Variants in CDH17 observed in about 807,000 individuals in gnomAD.
The protein encoded by CDH17 is cadherin 17, also known as cadherin-17.
CDH17 carries 67 observed loss-of-function variants against 86.3 expected under a neutral mutation model. The observed-to-expected ratio is 0.78, with a 90% CI of 0.64 to 0.95. The LOEUF is 0.95. CDH17 is among the 40% of genes least tolerant of loss of function. The pLI, the probability that CDH17 is intolerant of heterozygous loss-of-function variation, is 0.00. For synonymous variants in CDH17, 367 were observed against 366.4 expected, an observed-to-expected ratio of 1.00 and a Z score of -0.02; for missense variants, 993 against 1,017.6, an observed-to-expected ratio of 0.98 and a Z score of 0.33.
intron 17 of CDH17, among the ~76,000 whole-genome samples, chr8:94,130,093 G>T (rs1640165915): frequency 6.6e-6 from 1 of 152,178 alleles, no homozygotes; most frequent in African/African-American, 2.4e-5. Flanking sequence ...CCAAGCAAGG[G>T]GCTATGGCAG....
chr8:94,128,788 T>C (rs1328664933), intron 17 of CDH17, among the ~76,000 whole-genome samples: 2 of 152,202 alleles, frequency 1.3e-5, no homozygotes. Flanking sequence ...TTCACCTCCC[T>C]GAAGCTGATT....
At chr8:94,204,157 T>A (rs1383523506) in intron 1 of CDH17, among the ~76,000 whole-genome samples, 1 of 152,196 alleles carries the variant, frequency 6.6e-6, no homozygotes, top group Non-Finnish European at 1.5e-5. Flanking sequence ...AAATTTTACT[T>A]TAAGTTCTGG....
At chr8:94,196,241 T>C (rs1017619967) in intron 1 of CDH17, among the ~76,000 whole-genome samples, 2 of 152,220 alleles carry the variant, frequency 1.3e-5, no homozygotes, top group African/African-American at 4.8e-5. Flanking sequence ...TTAACCACTC[T>C]AAAAATTTAG....
At chr8:94,168,301 GTTTT>G (rs34513341) in intron 9 of CDH17, among the ~76,000 whole-genome samples, 1 of 121,648 alleles carries the variant, frequency 8.2e-6, no homozygotes, top group Non-Finnish European at 1.7e-5. Flanking sequence ...AATTTTTGCA[GTTTT>G]TTTTTTTTTT....
intron 2 of CDH17, among the ~76,000 whole-genome samples, chr8:94,192,920 T>C (rs1015139850): frequency 2.0e-5 from 3 of 152,240 alleles, no homozygotes; most frequent in African/African-American, 7.2e-5. Context: ...AAATTAGTGC[T>C]TCTGTTGAAT....
chr8:94,181,312 A>G (rs1350320135), intron 3 of CDH17, among the ~76,000 whole-genome samples: 1 of 152,198 alleles, frequency 6.6e-6, no homozygotes, highest in Non-Finnish European at 1.5e-5. Flanking sequence ...CTTGAACAAT[A>G]CTATAAACCA....
intron 15 of CDH17, among the ~76,000 whole-genome samples, chr8:94,144,521 C>G (rs183850907): frequency 4.0e-5 from 6 of 151,676 alleles, no homozygotes; most frequent in Non-Finnish European, 8.8e-5. Context: ...TATGCCTATA[C>G]AAAAATTACC....
chr8:94,150,360 G>A (rs1812834352), intron 13 of CDH17, among the ~76,000 whole-genome samples: 7 of 152,142 alleles, frequency 4.6e-5, no homozygotes. Context: ...GGAGCAGGCT[G>A]GAAGCAGGGA....
intron 1 of CDH17, among the ~76,000 whole-genome samples, chr8:94,199,067 ATATATATATATATATATTT>A (rs1182461948): frequency 0.31 from 11,773 of 38,132 alleles, 782 homozygotes; most frequent in Middle Eastern, 0.42. Flanking sequence ...ATATATATAT[ATATATATATATATATATTT>A]TTTTTTTTTT....
At chr8:94,198,536 T>C (rs545138611) in intron 1 of CDH17, among the ~76,000 whole-genome samples, 1 of 152,322 alleles carries the variant, frequency 6.6e-6, no homozygotes, top group South Asian at 2.1e-4. Context: ...ATTTGCTTAA[T>C]ACAAGTAAAA....
At chr8:94,180,759 G>A (rs1449959995) in intron 3 of CDH17, among the ~76,000 whole-genome samples, 1 of 152,072 alleles carries the variant, frequency 6.6e-6, no homozygotes, top group Non-Finnish European at 1.5e-5. Flanking sequence ...GCCGGGCATG[G>A]TGGTGGGCAT....
chr8:94,198,377 T>C (rs904495382), intron 1 of CDH17, among the ~76,000 whole-genome samples: 1 of 152,204 alleles, frequency 6.6e-6, no homozygotes, highest in African/African-American at 2.4e-5. Context: ...AGAGTACTTA[T>C]TTGGTTTGGA....
intron 1 of CDH17, among the ~76,000 whole-genome samples, chr8:94,207,509 A>G (rs142028694): frequency 9.2e-5 from 14 of 152,332 alleles, no homozygotes; most frequent in Admixed American, 3.9e-4. Context: ...ATGGCCCCGT[A>G]ACTCACTAGA....
At chr8:94,186,458 C>A (rs1813582425) in intron 3 of CDH17, among the ~76,000 whole-genome samples, 1 of 152,160 alleles carries the variant, frequency 6.6e-6, no homozygotes, top group South Asian at 2.1e-4. Flanking sequence ...ACAGACTGCA[C>A]CTTTCATGTG....
intron 11 of CDH17, among the ~76,000 whole-genome samples, 169 bp from the exon 12 acceptor site, chr8:94,160,331 G>A (rs1207002171): frequency 6.6e-6 from 1 of 152,154 alleles, no homozygotes; most frequent in African/African-American, 2.4e-5. Context: ...TTTAACATCA[G>A]TCATACTCAT....
upstream of CDH17, among the ~76,000 whole-genome samples, chr8:94,209,425 G>T (rs1424420628): frequency 6.6e-6 from 1 of 152,180 alleles, no homozygotes; most frequent in Non-Finnish European, 1.5e-5. Context: ...CCTGAGCTGA[G>T]GTTGTGTTTT....
intron 10 of CDH17, among the ~76,000 whole-genome samples, chr8:94,164,694 G>A (rs1813120576): frequency 6.6e-6 from 1 of 152,134 alleles, no homozygotes; most frequent in African/African-American, 2.4e-5. Context: ...CCATACCTGT[G>A]TCATCCGTGC....
At chr8:94,169,145 G>C (rs1048627060) in intron 9 of CDH17, among the ~76,000 whole-genome samples, 1 of 152,138 alleles carries the variant, frequency 6.6e-6, no homozygotes, top group Non-Finnish European at 1.5e-5. Context: ...GGTCAAGAAA[G>C]TTGTCAAAGA....
chr8:94,210,354 C>T (rs1379803127), upstream of CDH17, among the ~76,000 whole-genome samples: 1 of 151,962 alleles, frequency 6.6e-6, no homozygotes, highest in African/African-American at 2.4e-5. Flanking sequence ...CTCTAGCCCC[C>T]AGCTTCCAGC....
Sources: gnomAD v4.1 joint callset for allele counts (sites outside exome capture counted in the v4.1 genomes callset) on GRCh38, gnomAD v4.1.1 for gene constraint, MANE v1.5 for transcripts, NCBI Gene and HGNC (gene_info 2026-07-23, HGNC 2026-07-21) for gene names.